Variants in ATP10D observed in about 807,000 individuals in gnomAD.
ATP10D encodes ATPase phospholipid transporting 10D (putative).
A neutral mutation model predicts 144.8 loss-of-function variants in ATP10D; 89 were observed. The ratio of observed to expected loss-of-function variants is 0.61; its 90% CI spans 0.52 to 0.73. The LOEUF is 0.73. Among genes scored for constraint, ATP10D ranks in the 30% least tolerant of loss-of-function variants. ATP10D has a pLI of 0.00. For synonymous variants in ATP10D, 571 were observed against 615.1 expected (o/e 0.93, Z 1.06); for missense variants, 1,603 against 1,714.8 (o/e 0.93, Z 1.15).
chr4:47,591,590 G>A lies in ATP10D; in HGVS notation c.*209G>A, dbSNP rs1157058084. 8 of 386,264 alleles carry A rather than the reference G, an allele frequency of 2.1e-5. No homozygotes were observed. Among genetic ancestry groups the A allele is most frequent in the Non-Finnish European group, 2.7e-5 (6 of 219,666 alleles). The allele number at this position is 386,264 out of a possible 1,614,324, so 23.9% of individuals were successfully genotyped here. ...TTTGACCTAGAGAGAGTTTAAGGAA[G>A]TGAAATATTTAATTCAGAACCAAAT... On this transcript the variant is annotated 3_prime_UTR_variant, in exon 23 of 23. Transcript: ENST00000273859.
At chr4:47,490,955 T>A in intron 1 of ATP10D, 1 of 553,782 alleles carries the variant, frequency 1.8e-6, no homozygotes, top group South Asian at 1.8e-5. Flanking sequence ...TCAGAAGTCT[T>A]TTATTTTATT....
At chr4:47,590,327 C>G (rs1720970652) in intron 22 of ATP10D, among the ~76,000 whole-genome samples, 1 of 152,074 alleles carries the variant, frequency 6.6e-6, no homozygotes, top group Non-Finnish European at 1.5e-5. Context: ...AATTCTCAGT[C>G]TATCCAGATT....
At chr4:47,551,658 C>T (rs1190765492) in intron 10 of ATP10D, among the ~76,000 whole-genome samples, 1 of 152,206 alleles carries the variant, frequency 6.6e-6, no homozygotes, top group Non-Finnish European at 1.5e-5. Context: ...TTTAATGGGC[C>T]TTCCAGATTC....
Position 47,563,764 on chromosome 4 carries a change from A to G in ATP10D, c.2852A>G (p.Lys951Arg). The G allele has an allele frequency of 6.3e-7, 1 of 1,599,966 alleles. No homozygotes were observed. The highest frequency in any genetic ancestry group is 8.5e-7 in the Non-Finnish European group (1 of 1,173,664). ...DKLFILNTQS[K>R]DACGMLMSTI... is the part of the protein sequence containing the mutation. ...CTTTTTATCCTCAATACCCAAAGTA[A>G]AGTGCGTATATTGAGATTAAATCTG... The change falls in exon 15 of 23, where the codon AAA becomes AGA. Residue 951 changes from lysine (K) to arginine (R), a missense_variant and splice_region_variant. By Grantham distance (26) the Lys-to-Arg change is conservative. Transcript: ENST00000273859.
chr4:47,497,618 A>G (rs144284344), intron 1 of ATP10D, among the ~76,000 whole-genome samples: 11 of 152,346 alleles, frequency 7.2e-5, no homozygotes, highest in Middle Eastern at 3.4e-3. Flanking sequence ...TCATACTAGT[A>G]TATAAAATTC....
chr4:47,517,646 T>C (rs1292554847), intron 3 of ATP10D, among the ~76,000 whole-genome samples: 2 of 152,236 alleles, frequency 1.3e-5, no homozygotes, highest in East Asian at 3.8e-4. Context: ...AAAGCCGTTA[T>C]GATTATTATT....
chr4:47,511,560 G>A (rs1716328687), intron 1 of ATP10D, among the ~76,000 whole-genome samples: 1 of 152,136 alleles, frequency 6.6e-6, no homozygotes, highest in African/African-American at 2.4e-5. Flanking sequence ...ACTCCAGGTA[G>A]GGCTGCATTT....
chr4:47,506,323 G>A (rs773630557), intron 1 of ATP10D, among the ~76,000 whole-genome samples: 1 of 152,042 alleles, frequency 6.6e-6, no homozygotes, highest in Non-Finnish European at 1.5e-5. Context: ...TAAATTAAAT[G>A]GCATGTGGAA....
chr4:47,493,360 A>G (rs913409151), intron 1 of ATP10D, among the ~76,000 whole-genome samples: 3 of 152,252 alleles, frequency 2.0e-5, no homozygotes, highest in Non-Finnish European at 4.4e-5. Context: ...CACATTTAGT[A>G]GAAACCATAC....
At chr4:47,524,397 A>G (rs913924665) in intron 4 of ATP10D, among the ~76,000 whole-genome samples, 1 of 148,028 alleles carries the variant, frequency 6.8e-6, no homozygotes, top group Non-Finnish European at 1.5e-5. Flanking sequence ...TGTGATTGAT[A>G]TGCCTCCTAG....
intron 21 of ATP10D, among the ~76,000 whole-genome samples, chr4:47,584,379 TTTTG>T (rs765379537): frequency 1.2e-4 from 18 of 152,076 alleles, no homozygotes; most frequent in African/African-American, 2.2e-4. Context: ...TGTTGTTGTT[TTTTG>T]TTTGTTTTTG....
At chr4:47,549,002 T>A (rs891690092) in intron 10 of ATP10D, among the ~76,000 whole-genome samples, 4 of 152,098 alleles carry the variant, frequency 2.6e-5, no homozygotes, top group Non-Finnish European at 4.4e-5. Flanking sequence ...ATGGCACCCT[T>A]CAAAGGAGGC....
At position 47,535,881 on chromosome 4, in the gene ATP10D, C is replaced by G. The variant is rs764706533; in HGVS notation, c.884-21C>G. On this transcript the variant is annotated intron_variant, in intron 6 of 22. Coordinates refer to ENST00000273859, the MANE Select transcript of ATP10D (RefSeq NM_020453.4). ...TGGCTTTAATTTGTACATTTTCTAT[C>G]ATACTGCACATCCTTCATAGGCCAT... is the stretch of plus-strand genomic sequence containing the variant. 9.4e-6 allele frequency: 15 copies of G among 1,596,590 alleles called. 1 individual carries two copies. The highest frequency in any genetic ancestry group is 5.4e-5 in the Admixed American group (3 of 55,406).
intron 1 of ATP10D, among the ~76,000 whole-genome samples, chr4:47,496,895 G>A (rs1322805734): frequency 2.0e-5 from 3 of 152,078 alleles, no homozygotes; most frequent in Non-Finnish European, 2.9e-5. Flanking sequence ...AGGCTGGAGT[G>A]CAGTGGTGTG....
chr4:47,565,779 A>G (rs1719604012), intron 15 of ATP10D, among the ~76,000 whole-genome samples: 1 of 152,050 alleles, frequency 6.6e-6, no homozygotes, highest in South Asian at 2.1e-4. Flanking sequence ...CCTTAAATTT[A>G]TATAAATAAA....
chr4:47,559,102 T>A, intron 13 of ATP10D, 73 bp downstream of exon 13: 1 of 1,170,248 alleles, frequency 8.5e-7, no homozygotes, highest in Non-Finnish European at 1.3e-6. Context: ...AAAACCAGCG[T>A]GTAGCAAACC....
Position 47,523,196 on chromosome 4 carries a change from G to A in ATP10D, c.670G>A (p.Val224Ile), listed in dbSNP as rs1717053283. The change falls in exon 4 of 23, where the codon GTT becomes ATT. Residue 224 changes from valine (V) to isoleucine (I), a missense_variant. By Grantham distance (29) the Val-to-Ile change is conservative (BLOSUM62 3). Transcript: ENST00000273859. Reference protein sequence around the residue: ...GESNLKQRQVVRGYAEQDSEV... With the variant: ...GESNLKQRQVIRGYAEQDSEV... The stretch of plus-strand genomic sequence containing the variant: ...GAGCAATTTAAAACAGAGGCAGGTG[G>A]TTCGGGGATATGCAGAACAGGTAAG... 1 of 1,613,898 alleles carries A rather than the reference G, an allele frequency of 6.2e-7. No individual in the cohort carries two copies. Among genetic ancestry groups the A allele is most frequent in the Admixed American group, 1.7e-5 (1 of 59,998 alleles).
intron 2 of ATP10D, among the ~76,000 whole-genome samples, chr4:47,513,182 C>A (rs189912885): frequency 2.6e-5 from 4 of 152,142 alleles, no homozygotes; most frequent in African/African-American, 9.7e-5. Context: ...TGAAACCACG[C>A]GCATTTTAAT....
intron 19 of ATP10D, chr4:47,578,602 A>G (rs1577704870): frequency 6.6e-6 from 1 of 152,248 alleles, no homozygotes; most frequent in African/African-American, 2.4e-5. Flanking sequence ...CTCTCCCCAG[A>G]TGCATGAAGT....
Sources: gnomAD v4.1 joint callset for allele counts (sites outside exome capture counted in the v4.1 genomes callset) on GRCh38, gnomAD v4.1.1 for gene constraint, MANE v1.5 for transcripts, NCBI Gene and HGNC (gene_info 2026-07-23, HGNC 2026-07-21) for gene names.